Variants in SLC35F5 observed in about 807,000 individuals in gnomAD.
SLC35F5 encodes solute carrier family 35 member F5, also known as HCV NS5A-transactivated protein 3.
SLC35F5 carries 54 observed loss-of-function variants against 68.6 expected under a neutral mutation model. The ratio of observed to expected loss-of-function variants is 0.79; its 90% CI spans 0.63 to 0.99. The LOEUF (loss-of-function observed/expected upper bound fraction) is 0.99, where lower values mean the gene tolerates loss of function less well. SLC35F5 is among the 50% of genes least tolerant of loss of function. The pLI is 0.00. For missense variants in SLC35F5, 567 were observed against 626.9 expected, an observed-to-expected ratio of 0.90 and a Z score of 1.02; for synonymous variants, 211 against 205.2, an observed-to-expected ratio of 1.03 and a Z score of -0.24.
intron 1 of SLC35F5, chr2:113,756,127 T>A: frequency 6.9e-7 from 1 of 1,445,764 alleles, no homozygotes; most frequent in Non-Finnish European, 9.1e-7. Flanking sequence ...GGGAAGACAG[T>A]TAAGGCAGCG....
At chr2:113,745,319 G>A (rs1574261531) in intron 5 of SLC35F5, among the ~76,000 whole-genome samples, 1 of 152,144 alleles carries the variant, frequency 6.6e-6, no homozygotes, top group African/African-American at 2.4e-5. Flanking sequence ...TGCCATCGCA[G>A]TTCTAAAAAA....
intron 7 of SLC35F5, among the ~76,000 whole-genome samples, chr2:113,741,079 A>G (rs563583127): frequency 5.9e-5 from 9 of 152,242 alleles, no homozygotes; most frequent in Non-Finnish European, 1.2e-4. Context: ...ATATCTGTAC[A>G]ATGAAATATT....
chr2:113,722,965 G>T, intron 13 of SLC35F5, 139 bp downstream of exon 13: 1 of 487,736 alleles, frequency 2.1e-6, no homozygotes, highest in Non-Finnish European at 3.5e-6. Context: ...ATATTTCTAT[G>T]TAGTAAAGCA....
intron 12 of SLC35F5, 28 bp from the exon 13 acceptor site, chr2:113,723,222 T>C: frequency 6.8e-7 from 1 of 1,470,418 alleles, no homozygotes; most frequent in Non-Finnish European, 9.1e-7. Context: ...TACATTTCTA[T>C]ATTTAAAAAA....
chr2:113,741,220 C>A (rs1322572688), intron 7 of SLC35F5, among the ~76,000 whole-genome samples: 1 of 151,894 alleles, frequency 6.6e-6, no homozygotes, highest in Non-Finnish European at 1.5e-5. Context: ...ACATGAGGTA[C>A]TTATGAGTAG....
intron 14 of SLC35F5, among the ~76,000 whole-genome samples, chr2:113,718,913 GAA>G (rs1559318104): frequency 2.2e-4 from 19 of 88,108 alleles, no homozygotes; most frequent in African/African-American, 6.5e-4. Context: ...AAGAAAGAAA[GAA>G]AGAAAGAAAG....
rs764937717 is a variant in SLC35F5, at chr2:113,742,873, T to C, written c.569A>G (p.Lys190Arg). 6.2e-6 allele frequency: 10 copies of C among 1,611,878 alleles called. No individual in the cohort carries two copies. Among genetic ancestry groups the C allele is most frequent in the Admixed American group, 1.7e-5 (1 of 59,898 alleles). ...ATTACTGAACCTCACACGAGACTTT[T>C]TGGGGGCTTAAAAGGAAGAGCATAA... ...STNIDTEKTPKKSRVRFSNIM... is the reference protein window; with the variant it reads ...STNIDTEKTPRKSRVRFSNIM... Residue 190 changes from lysine to arginine, a missense_variant, in exon 7 of 16, where the codon AAA (lysine) becomes AGA (arginine). Coordinates refer to ENST00000245680, the MANE Select transcript of SLC35F5 (RefSeq NM_025181.5).
rs778890537 is a variant in SLC35F5 at position 113,755,443 on chromosome 2, G to A, written c.131+11C>T. 7.4e-6 allele frequency: 12 copies of A among 1,613,520 alleles called. No homozygotes were observed. Among genetic ancestry groups the A allele is most frequent in the Non-Finnish European group, 1.0e-5 (12 of 1,179,480 alleles). ...TGTGAAAGTTACATAGAGGATAAAC[G>A]TGGAATCTACCTTGTCTTAAGAGCC... is the stretch of plus-strand genomic sequence containing the variant. On this transcript the variant is annotated intron_variant, in intron 2 of 15. Coordinates refer to ENST00000245680, the MANE Select transcript of SLC35F5 (RefSeq NM_025181.5).
At chr2:113,742,599 T>G (rs1276365219) in intron 7 of SLC35F5, 93 bp downstream of exon 7, 14 of 1,267,478 alleles carry the variant, frequency 1.1e-5, no homozygotes, top group Non-Finnish European at 1.6e-5. Flanking sequence ...ACAACCTAAT[T>G]GTCTCACACT....
chr2:113,704,525 GGCT>G (rs1204266969), downstream of SLC35F5, among the ~76,000 whole-genome samples: 2 of 152,226 alleles, frequency 1.3e-5, no homozygotes, highest in East Asian at 3.9e-4. Flanking sequence ...AGGCATGGCG[GGCT>G]GCAGGTCCCG....
downstream of SLC35F5, among the ~76,000 whole-genome samples, chr2:113,705,886 A>C (rs1686786987): frequency 6.6e-6 from 1 of 152,136 alleles, no homozygotes; most frequent in African/African-American, 2.4e-5. Context: ...AATGTTCTTC[A>C]CATTTCCCTT....
At chr2:113,754,823 G>A (rs1191977626) in intron 3 of SLC35F5, among the ~76,000 whole-genome samples, 2 of 152,048 alleles carry the variant, frequency 1.3e-5, no homozygotes, top group Non-Finnish European at 2.9e-5. Context: ...TGGTGACATT[G>A]TTTTGCATCC....
chr2:113,720,877 T>C (rs1574216049), intron 13 of SLC35F5, among the ~76,000 whole-genome samples: 1 of 152,182 alleles, frequency 6.6e-6, no homozygotes, highest in Admixed American at 6.5e-5. Context: ...AATGTAGCTG[T>C]TTATATGTTG....
At position 113,729,394 on chromosome 2, in the gene SLC35F5, T is replaced by A; in HGVS notation, c.1090+7A>T. ...TAAATAGCCTCCCAAGTTACATATA[T>A]TCTTACCAAAGAACATTGGAATATC... On this transcript the variant is annotated splice_region_variant and intron_variant, in intron 11 of 15. Transcript: ENST00000245680. 3 of 1,403,822 alleles carry A rather than the reference T, an allele frequency of 2.1e-6. No individual in the cohort carries two copies. The highest frequency in any genetic ancestry group is 3.0e-6 in the Non-Finnish European group (3 of 1,007,932). The allele number at this position is 1,403,822 out of a possible 1,614,324, so 87.0% of individuals were successfully genotyped here.
intron 3 of SLC35F5, among the ~76,000 whole-genome samples, chr2:113,752,936 T>G (rs1676803030): frequency 6.6e-6 from 1 of 152,082 alleles, no homozygotes; most frequent in South Asian, 2.1e-4. Flanking sequence ...AAAGAAATCG[T>G]GGGTGAAATG....
At chr2:113,756,196 T>C (rs1676979637) in intron 1 of SLC35F5, 174 bp downstream of exon 1, 2 of 1,478,102 alleles carry the variant, frequency 1.4e-6, no homozygotes, top group Admixed American at 2.4e-5. Flanking sequence ...TTGCCAGCGG[T>C]GGGCGCAGGG....
rs1686948772 is a variant in SLC35F5, at chr2:113,710,466, A to T, written c.*4752T>A. On this transcript the variant is annotated 3_prime_UTR_variant, in exon 16 of 16. Coordinates refer to ENST00000245680, the MANE Select transcript of SLC35F5 (RefSeq NM_025181.5). ...TGGTTTTAGCCAGGCATGGTGGCTC[A>T]TGCCTGTAATCCCAGCACTTTGGGA... 6.6e-6 allele frequency among the ~76,000 whole-genome samples: 1 copy of T among 152,218 alleles called. No homozygotes were observed. Among genetic ancestry groups the T allele is most frequent in the Non-Finnish European group, 1.5e-5 (1 of 68,046 alleles).
At chr2:113,745,584 T>G (rs186887412) in intron 5 of SLC35F5, among the ~76,000 whole-genome samples, 1 of 152,280 alleles carries the variant, frequency 6.6e-6, no homozygotes, top group Non-Finnish European at 1.5e-5. Context: ...ACAAGGTGAT[T>G]GCTTAAGCCC....
intron 4 of SLC35F5, 62 bp downstream of exon 4, chr2:113,750,363 T>C: frequency 6.9e-7 from 1 of 1,444,684 alleles, no homozygotes; most frequent in Non-Finnish European, 9.2e-7. Context: ...AATACATCTT[T>C]AAACTTTGAA....
Sources: gnomAD v4.1 joint callset for allele counts (sites outside exome capture counted in the v4.1 genomes callset) on GRCh38, gnomAD v4.1.1 for gene constraint, MANE v1.5 for transcripts, NCBI Gene and HGNC (gene_info 2026-07-23, HGNC 2026-07-21) for gene names.